The following CHD7 variants were observed in gnomAD, a reference collection of about 807,000 sequenced individuals.
CHD7 encodes ATP-dependent chromatin remodeler CHD7.
CHD7 carries 24 observed loss-of-function variants against 307.3 expected under a neutral mutation model. The ratio of observed to expected loss-of-function variants is 0.08; its 90% CI spans 0.06 to 0.11. The LOEUF is 0.11. Among genes scored for constraint, CHD7 ranks in the 10% least tolerant of loss-of-function variants. CHD7 has a pLI of 1.00. For synonymous variants in CHD7, 1,363 were observed against 1,349.9 expected (o/e 1.01, Z -0.21); for missense variants, 3,106 against 3,727.1 (o/e 0.83, Z 4.34).
chr8:60,841,973 C>G lies in CHD7; in HGVS notation c.4771C>G (p.Pro1591Ala). Residue 1591 changes from proline (P) to alanine (A), a missense_variant, in exon 21 of 38, where the codon CCA becomes GCA. By Grantham distance (27) the Pro-to-Ala change is conservative (BLOSUM62 -1). Around this residue, in one of 10 missense-constraint regions of CHD7, gnomAD observed 122 missense variants for 124.5 expected, o/e 0.98. Coordinates refer to ENST00000423902, the MANE Select transcript of CHD7 (RefSeq NM_017780.4). ...SDSEEKPCAK[P>A]RRPQDKSQGY... ...TTCTGAAGAAAAGCCCTGTGCAAAG[C>G]CACGGCGTCCCCAGGATAAGTCACA... The G allele has an allele frequency of 1.2e-6, 2 of 1,613,660 alleles. No individual in the cohort carries two copies. The highest frequency in any genetic ancestry group is 1.7e-6 in the Non-Finnish European group (2 of 1,179,762).
chr8:60,842,169 A>C (rs1045477856), intron 21 of CHD7, 117 bp downstream of exon 21: 4 of 797,556 alleles, frequency 5.0e-6, no homozygotes, highest in South Asian at 1.9e-5. Context: ...TTGCACAGTC[A>C]AATGAATGCT....
intron 1 of CHD7, among the ~76,000 whole-genome samples, chr8:60,699,552 G>T (rs771865300): frequency 6.6e-6 from 1 of 151,602 alleles, no homozygotes; most frequent in African/African-American, 2.4e-5. Flanking sequence ...GCCTGGGGTA[G>T]CCTGTTCTGG....
intron 3 of CHD7, among the ~76,000 whole-genome samples, chr8:60,788,861 C>T (rs74820959): frequency 0.016 from 2,392 of 152,232 alleles, 30 homozygotes; most frequent in Non-Finnish European, 0.026. Context: ...CTGTTGTCCG[C>T]GTTTTATTAC....
chr8:60,783,321 C>G (rs1811349694), intron 3 of CHD7, among the ~76,000 whole-genome samples: 1 of 152,176 alleles, frequency 6.6e-6, no homozygotes, highest in African/African-American at 2.4e-5. Context: ...ATTTTCCCAA[C>G]AACTGTAAGA....
At chr8:60,747,170 A>G (rs1340127147) in intron 2 of CHD7, among the ~76,000 whole-genome samples, 2 of 152,048 alleles carry the variant, frequency 1.3e-5, no homozygotes, top group Admixed American at 1.3e-4. Context: ...TCCTTCTCCC[A>G]GGTTCAAGCA....
intron 1 of CHD7, among the ~76,000 whole-genome samples, chr8:60,726,804 T>C (rs1808183931): frequency 6.6e-6 from 1 of 152,168 alleles, no homozygotes; most frequent in African/African-American, 2.4e-5. Flanking sequence ...GTTGTAGCCA[T>C]CAGAGTGGAA....
intron 1 of CHD7, among the ~76,000 whole-genome samples, chr8:60,734,362 C>T (rs987479613): frequency 6.6e-6 from 1 of 152,282 alleles, no homozygotes; most frequent in African/African-American, 2.4e-5. Context: ...GGTCCTGTCT[C>T]TCAGGATTCC....
intron 13 of CHD7, 28 bp from the exon 14 acceptor site, chr8:60,828,635 G>A (rs1224088069): frequency 2.5e-6 from 4 of 1,582,694 alleles, no homozygotes; most frequent in African/African-American, 1.4e-5. Context: ...TTACAATTTG[G>A]TTAGTGGCTT....
intron 21 of CHD7, 147 bp from the exon 22 acceptor site, chr8:60,844,717 T>C: frequency 1.6e-6 from 1 of 629,888 alleles, no homozygotes; most frequent in Non-Finnish European, 2.7e-6. Context: ...TGTTTTTAAC[T>C]CTTGCACCCT....
chr8:60,851,033 G>A lies in CHD7; in HGVS notation c.5536G>A (p.Gly1846Arg). ...AATTTTTGTGTTTGTTTTACATAGG[G>A]GAGAATTTGATAGAGAAGATGAAGA... ...TDMLADGGDGGEFDREDEDPE... is the reference protein window; with the variant it reads ...TDMLADGGDGREFDREDEDPE... Residue 1846 changes from glycine (G) to arginine (R), a missense_variant and splice_region_variant, in exon 27 of 38, where the codon GGA becomes AGA. By Grantham distance (125) the Gly-to-Arg change is moderately radical. Around this residue, in one of 10 missense-constraint regions of CHD7, gnomAD observed 1,030 missense variants for 1,165.4 expected, o/e 0.88. Transcript: ENST00000423902. 1 of 1,560,314 alleles carries A rather than the reference G, an allele frequency of 6.4e-7. No homozygotes were observed. Among genetic ancestry groups the A allele is most frequent in the Non-Finnish European group, 8.7e-7 (1 of 1,151,910 alleles).
chr8:60,709,282 A>G (rs1276436005), intron 1 of CHD7, among the ~76,000 whole-genome samples: 1 of 152,178 alleles, frequency 6.6e-6, no homozygotes, highest in African/African-American at 2.4e-5. Context: ...GGATTCCCTT[A>G]AAAAGGGAAT....
Position 60,852,153 on chromosome 8 carries a change from C to A in CHD7, c.5800C>A (p.Leu1934Ile). The A allele has an allele frequency of 6.2e-7, 1 of 1,613,964 alleles. No homozygotes were observed. Among genetic ancestry groups the A allele is most frequent in the Non-Finnish European group, 8.5e-7 (1 of 1,179,886 alleles). ...AAGGCAACAGATGAGGCAAGAGGCC[C>A]TAATGAAGACTGACCGGCGCAGACG... ...YKRQQMRQEA[L>I]MKTDRRRRRP... The change falls in exon 29 of 38, where the codon CTA becomes ATA. Residue 1934 changes from leucine (L) to isoleucine (I), a missense_variant. Coordinates refer to ENST00000423902, the MANE Select transcript of CHD7 (RefSeq NM_017780.4).
chr8:60,857,512 G>A (rs1246503651), intron 34 of CHD7, among the ~76,000 whole-genome samples: 1 of 152,184 alleles, frequency 6.6e-6, no homozygotes, highest in Non-Finnish European at 1.5e-5. Context: ...CTGACTCACT[G>A]ATGACCAGAA....
At chr8:60,785,047 G>A (rs1811432507) in intron 3 of CHD7, among the ~76,000 whole-genome samples, 1 of 152,228 alleles carries the variant, frequency 6.6e-6, no homozygotes, top group African/African-American at 2.4e-5. Context: ...CGTTTTGCAT[G>A]TGGAAGGATT....
At chr8:60,723,947 A>G (rs1279886381) in intron 1 of CHD7, among the ~76,000 whole-genome samples, 3 of 152,248 alleles carry the variant, frequency 2.0e-5, no homozygotes, top group Admixed American at 6.5e-5. Flanking sequence ...AGCAAGCATA[A>G]TTCTCAGAGT....
At chr8:60,714,688 C>G (rs1807490144) in intron 1 of CHD7, among the ~76,000 whole-genome samples, 1 of 152,152 alleles carries the variant, frequency 6.6e-6, no homozygotes, top group African/African-American at 2.4e-5. Flanking sequence ...GCCACCTGCC[C>G]TCCCTCATGG....
chr8:60,816,125 C>G lies in CHD7; in HGVS notation c.2499-262C>G, dbSNP rs748986723. 5.0e-3 allele frequency among the ~76,000 whole-genome samples: 504 copies of G among 101,680 alleles called. 6 individuals carry two copies. The East Asian group carries it at 0.057, about 12-fold the overall frequency. The allele number at this position is 101,680 out of a possible 152,430, so 66.7% of individuals were successfully genotyped here. A position where few individuals can be genotyped will look rare whatever the true frequency, so the allele number is the denominator to read the frequency against. On this transcript the variant is annotated intron_variant, in intron 7 of 37. Coordinates refer to ENST00000423902, the MANE Select transcript of CHD7 (RefSeq NM_017780.4). ...TGTCTGTCTGTCTGTCTCTCTCTCT[C>G]TCTCTCTCTCTCTCTCTCTCTCTCT...
At position 60,686,323 on chromosome 8, in the gene CHD7, A is replaced by G. The variant is rs1488692034; in HGVS notation, c.-175+7241A>G. On this transcript the variant is annotated intron_variant, in intron 1 of 37. Coordinates refer to ENST00000423902, the MANE Select transcript of CHD7 (RefSeq NM_017780.4). ...TCTGTGGCAATTTATATCTAATACT[A>G]TTTCTTCAACTTGCCAGTTTTTCTT... Among the ~76,000 whole-genome samples the G allele has an allele frequency of 3.4e-5, 5 of 148,878 alleles. No homozygotes were observed. The South Asian group carries it at 8.6e-4, about 26-fold the overall frequency.
intron 15 of CHD7, 120 bp from the exon 16 acceptor site, chr8:60,835,953 A>G (rs1563643054): frequency 8.6e-6 from 6 of 700,204 alleles, no homozygotes; most frequent in Admixed American, 5.0e-5. Flanking sequence ...ATTCTTGTTC[A>G]TAAGCAGGAG....
Sources: allele counts gnomAD v4.1 joint callset (sites outside exome capture counted in the v4.1 genomes callset), GRCh38; gene constraint gnomAD v4.1.1; regional missense constraint gnomAD v4.1.1; transcripts MANE v1.5; gene names NCBI Gene and HGNC (gene_info 2026-07-23, HGNC 2026-07-21).